The following MLIP variants were observed in gnomAD, a reference collection of about 807,000 sequenced individuals.
MLIP encodes the protein muscular LMNA interacting protein, also known as muscular LMNA-interacting protein.
A neutral mutation model predicts 84.8 loss-of-function variants in MLIP; 79 were observed. That is an observed-to-expected ratio of 0.93 (90% confidence interval 0.78 to 1.12). The LOEUF is 1.12. MLIP is among the 50% of genes most tolerant of loss of function. The pLI is 0.00. For synonymous variants in MLIP, 504 were observed against 463.0 expected, an observed-to-expected ratio of 1.09 and a Z score of -1.14; for missense variants, 1,257 against 1,160.6, an observed-to-expected ratio of 1.08 and a Z score of -1.21.
intron 5 of MLIP, among the ~76,000 whole-genome samples, chr6:54,158,964 G>A (rs1205253608): frequency 6.6e-6 from 1 of 152,090 alleles, no homozygotes; most frequent in Non-Finnish European, 1.5e-5. Flanking sequence ...CCAGGCTAGA[G>A]TGCAGTGGTG....
intron 11 of MLIP, among the ~76,000 whole-genome samples, chr6:54,219,349 T>TC (rs1191182716): frequency 6.9e-6 from 1 of 144,394 alleles, no homozygotes; most frequent in Admixed American, 7.1e-5. Flanking sequence ...TTTTTTTTCT[T>TC]TTTTTTTTTT....
chr6:54,221,555 T>G (rs1780223530), intron 11 of MLIP, among the ~76,000 whole-genome samples: 1 of 151,752 alleles, frequency 6.6e-6, no homozygotes, highest in South Asian at 2.1e-4. Flanking sequence ...CTTATAATGC[T>G]AAAAGATGGC....
At chr6:54,252,280 T>G (rs1177667465) in intron 12 of MLIP, among the ~76,000 whole-genome samples, 1 of 115,534 alleles carries the variant, frequency 8.7e-6, no homozygotes, top group Non-Finnish European at 1.6e-5. Context: ...ATAATATAAC[T>G]ATAATATATT....
At position 54,202,185 on chromosome 6, in the gene MLIP, C is replaced by A. The variant is rs1248659098; in HGVS notation, c.2670C>A (p.Asn890Lys). The A allele has an allele frequency of 1.3e-6, 2 of 1,594,980 alleles. No homozygotes were observed. The highest frequency in any genetic ancestry group is 1.7e-4 in the Middle Eastern group (1 of 5,996). The change falls in exon 11 of 14, where the codon AAC becomes AAA. Residue 890 changes from asparagine (N) to lysine (K), a missense_variant. By Grantham distance (94) the Asn-to-Lys change is moderately conservative. Coordinates refer to ENST00000502396, the MANE Select transcript of MLIP (RefSeq NM_001281747.2). ...LKKEEEVYEP[N>K]PFSKYLEDNS... ...AAGAGGAGGAAGTCTATGAACCCAACCCTTTCAGTAAATACTTGGAAGATA... is the reference window on the plus strand; with the variant it reads ...AAGAGGAGGAAGTCTATGAACCCAAACCTTTCAGTAAATACTTGGAAGATA...
At chr6:54,091,459 G>T (rs111351300) in intron 1 of MLIP, among the ~76,000 whole-genome samples, 20 of 152,260 alleles carry the variant, frequency 1.3e-4, no homozygotes, top group African/African-American at 4.3e-4. Flanking sequence ...CTGTCTGAGA[G>T]AAATTATTTA....
In MLIP at chr6:54,138,041, A is replaced by T; in HGVS notation, c.1972A>T (p.Arg658Trp). 2 of 1,536,012 alleles carry T rather than the reference A, an allele frequency of 1.3e-6. No individual in the cohort carries two copies. Among genetic ancestry groups the T allele is most frequent in the Admixed American group, 2.0e-5 (1 of 50,980 alleles). Residue 658 changes from arginine to tryptophan, a missense_variant, in exon 4 of 14, where the codon AGG (arginine) becomes TGG (tryptophan). Arg to Trp is a moderately radical substitution (Grantham distance 101). Transcript: ENST00000502396. The stretch of plus-strand genomic sequence containing the variant: ...TGACTTTGCCTCTCTTCCCAACTTG[A>T]GGTCCTCCTCTCTCCCTCATGCCAA... ...SADFASLPNL[R>W]SSSLPHANLP...
Position 54,137,148 on chromosome 6 carries a change from C to T in MLIP, c.1079C>T (p.Ser360Leu), listed in dbSNP as rs1316698008. 8 of 1,536,110 alleles carry T rather than the reference C, an allele frequency of 5.2e-6. No individual in the cohort carries two copies. Among genetic ancestry groups the T allele is most frequent in the Non-Finnish European group, 5.2e-6 (6 of 1,146,894 alleles). The change falls in exon 4 of 14, where the codon TCG becomes TTG. Residue 360 changes from serine to leucine, a missense_variant. Physicochemically the swap from Ser to Leu is moderately radical, Grantham distance 145 (BLOSUM62 -2). Transcript: ENST00000502396. ...PSSSASLKSN[S>L]ASYIPVRIVT... ...TCCAGTGCTTCTCTGAAGTCGAATT[C>T]GGCCTCGTACATACCAGTCCGCATT... is the stretch of plus-strand genomic sequence containing the variant.
intron 9 of MLIP, among the ~76,000 whole-genome samples, chr6:54,171,285 A>T (rs1775745331): frequency 6.6e-6 from 1 of 151,638 alleles, no homozygotes; most frequent in African/African-American, 2.4e-5. Flanking sequence ...AAAGCTAAGA[A>T]TGAACCATCA....
At chr6:54,189,809 C>T (rs1229831628) in intron 9 of MLIP, 61 bp from the exon 10 acceptor site, 5 of 1,251,516 alleles carry the variant, frequency 4.0e-6, no homozygotes, top group African/African-American at 1.5e-5. Flanking sequence ...AATACTTAAA[C>T]ACATACATAT....
At position 54,121,514 on chromosome 6, in the gene MLIP, C is replaced by T. The variant is rs1427475620; in HGVS notation, c.164C>T (p.Pro55Leu). 2 of 1,613,906 alleles carry T rather than the reference C, an allele frequency of 1.2e-6. No individual in the cohort carries two copies. The highest frequency in any genetic ancestry group is 4.5e-5 in the East Asian group (2 of 44,880). Residue 55 changes from proline (P) to leucine (L), a missense_variant, in exon 2 of 14, where the codon CCA (proline) becomes CTA (leucine). Physicochemically the swap from Pro to Leu is moderately conservative, Grantham distance 98 (BLOSUM62 -3). Coordinates refer to ENST00000502396, the MANE Select transcript of MLIP (RefSeq NM_001281747.2). The part of the protein sequence containing the change: ...FTFVPTVRRL[P>L]THTQLADTSK... ...TTTGTCCCCACTGTCAGAAGACTAC[C>T]AACCCATACTCAGTTGGCTGACACC...
At chr6:54,176,730 G>A (rs1419308658) in intron 9 of MLIP, among the ~76,000 whole-genome samples, 2 of 151,532 alleles carry the variant, frequency 1.3e-5, no homozygotes, top group Non-Finnish European at 1.5e-5. Context: ...CCAAAAAAGA[G>A]CCTGTATAGA....
Position 54,121,436 on chromosome 6 carries a change from A to T in MLIP, c.97-11A>T. On this transcript the variant is annotated splice_polypyrimidine_tract_variant and intron_variant, in intron 1 of 13. Transcript: ENST00000502396. ...CAAGGCTGAAAGTCTAATTAACTAC[A>T]TGTCTCATAGGTCTCTGCTGGTGGT... is the stretch of plus-strand genomic sequence containing the variant. 2 of 1,612,846 alleles carry T rather than the reference A, an allele frequency of 1.2e-6. No individual in the cohort carries two copies. The highest frequency in any genetic ancestry group is 1.7e-6 in the Non-Finnish European group (2 of 1,179,672).
At chr6:54,198,047 C>T (rs1424029154) in intron 10 of MLIP, among the ~76,000 whole-genome samples, 1 of 152,078 alleles carries the variant, frequency 6.6e-6, no homozygotes, top group Non-Finnish European at 1.5e-5. Flanking sequence ...GAAGACAAGG[C>T]CAAATGGGTG....
chr6:54,178,073 G>T (rs115597956), intron 9 of MLIP, among the ~76,000 whole-genome samples: 1 of 152,004 alleles, frequency 6.6e-6, no homozygotes, highest in African/African-American at 2.4e-5. Flanking sequence ...GAGGGAGAGC[G>T]TCAGGATAAA....
At chr6:54,168,317 T>C (rs192819067) in intron 8 of MLIP, among the ~76,000 whole-genome samples, 1 of 151,760 alleles carries the variant, frequency 6.6e-6, no homozygotes, top group Non-Finnish European at 1.5e-5. Flanking sequence ...TAATTTAAAA[T>C]TGTAGACTCC....
intron 3 of MLIP, among the ~76,000 whole-genome samples, chr6:54,128,946 C>T (rs1027056198): frequency 3.3e-5 from 5 of 151,298 alleles, no homozygotes; most frequent in Non-Finnish European, 7.4e-5. Context: ...GGAGGGGGGG[C>T]ACAAAGTCAG....
At chr6:54,111,284 A>G (rs1257941452), upstream of MLIP, 7 of 909,238 alleles carry the variant, frequency 7.7e-6, no homozygotes, top group Non-Finnish European at 1.1e-5. Context: ...GACCTCTCAT[A>G]ATGTTCCAAA....
intron 4 of MLIP, among the ~76,000 whole-genome samples, chr6:54,142,239 T>A (rs1471983927): frequency 6.6e-6 from 1 of 152,198 alleles, no homozygotes; most frequent in Non-Finnish European, 1.5e-5. Context: ...AAATATGCAA[T>A]GATGCCTGTT....
At chr6:54,154,223 A>G (rs1178553017) in intron 5 of MLIP, among the ~76,000 whole-genome samples, 2 of 152,180 alleles carry the variant, frequency 1.3e-5, no homozygotes, top group South Asian at 2.1e-4. Flanking sequence ...TTCCAATTTT[A>G]TTCCACAGGC....
Sources: allele counts gnomAD v4.1 joint callset (sites outside exome capture counted in the v4.1 genomes callset), GRCh38; gene constraint gnomAD v4.1.1; transcripts MANE v1.5; gene names NCBI Gene and HGNC (gene_info 2026-07-23, HGNC 2026-07-21).